CFAP299: variants seen among roughly 807,000 people sequenced by gnomAD.
CFAP299 encodes the protein cilia and flagella associated protein 299, also known as cilia- and flagella-associated protein 299.
Under a neutral mutation model 27.0 loss-of-function variants are expected in CFAP299, and 21 were observed. That is an observed-to-expected ratio of 0.78 (90% confidence interval 0.55 to 1.12). The LOEUF (loss-of-function observed/expected upper bound fraction) is 1.12, where lower values mean the gene tolerates loss of function less well. Among genes scored for constraint, CFAP299 ranks in the 50% most tolerant of loss-of-function variants. The pLI, the probability that CFAP299 is intolerant of heterozygous loss-of-function variation, is 0.00. For missense variants in CFAP299, 310 were observed against 276.6 expected (o/e 1.12, Z -0.86); for synonymous variants, 104 against 98.1 (o/e 1.06, Z -0.36).
chr4:80,468,474 T>G (rs1393983484), intron 2 of CFAP299, among the ~76,000 whole-genome samples: 1 of 151,982 alleles, frequency 6.6e-6, no homozygotes, highest in Non-Finnish European at 1.5e-5. Flanking sequence ...TCCACCCGCC[T>G]TGTTCTCCCG....
rs1560463626 is a variant in CFAP299, at chr4:80,887,973, T to C, written c.476+17838T>C. 1.3e-5 allele frequency among the ~76,000 whole-genome samples: 2 copies of C among 151,642 alleles called. 1 individual carries two copies. The highest frequency in any genetic ancestry group is 4.2e-4 in the South Asian group (2 of 4,814). ...GTAACCTCAACCAAAAATCATACAA[T>C]GGGCATATAAAAAAATAAAAAAATA... is the stretch of plus-strand genomic sequence containing the variant. On this transcript the variant is annotated intron_variant, in intron 4 of 5. Transcript: ENST00000358105.
At chr4:80,720,902 G>A (rs1722773578) in intron 3 of CFAP299, among the ~76,000 whole-genome samples, 1 of 152,052 alleles carries the variant, frequency 6.6e-6, no homozygotes, top group South Asian at 2.1e-4. Context: ...AATGTGGCAA[G>A]TAAAGAATTG....
chr4:80,683,249 T>G (rs1719958591), intron 3 of CFAP299, among the ~76,000 whole-genome samples: 1 of 152,186 alleles, frequency 6.6e-6, no homozygotes, highest in Non-Finnish European at 1.5e-5. Context: ...TCAGAAGGCA[T>G]CCCCATACGT....
At chr4:80,548,407 G>A (rs927212698) in intron 2 of CFAP299, among the ~76,000 whole-genome samples, 4 of 152,064 alleles carry the variant, frequency 2.6e-5, no homozygotes, top group African/African-American at 9.7e-5. Context: ...TATGAGGCGG[G>A]CATAAATTGG....
intron 3 of CFAP299, among the ~76,000 whole-genome samples, chr4:80,758,495 C>T (rs1725376061): frequency 6.6e-6 from 1 of 152,104 alleles, no homozygotes; most frequent in African/African-American, 2.4e-5. Context: ...AATGTTTGAG[C>T]TGGAAAACAG....
intron 4 of CFAP299, among the ~76,000 whole-genome samples, chr4:80,879,487 T>G (rs549681469): frequency 1.3e-5 from 2 of 152,284 alleles, no homozygotes; most frequent in South Asian, 4.1e-4. Flanking sequence ...CATTACACAT[T>G]AGAAGAATTA....
intron 1 of CFAP299, among the ~76,000 whole-genome samples, chr4:80,357,434 C>A (rs1208662745): frequency 6.6e-6 from 1 of 152,134 alleles, no homozygotes; most frequent in Non-Finnish European, 1.5e-5. Flanking sequence ...CTTTGTACAT[C>A]TGGTAGAATT....
At chr4:80,504,393 G>T (rs1250882999) in intron 2 of CFAP299, among the ~76,000 whole-genome samples, 2 of 137,440 alleles carry the variant, frequency 1.5e-5, no homozygotes, top group African/African-American at 5.4e-5. Context: ...CAATTTTATT[G>T]TTTACTTCTT....
chr4:80,377,458 A>G (rs755173064), intron 2 of CFAP299, among the ~76,000 whole-genome samples: 38 of 151,982 alleles, frequency 2.5e-4, no homozygotes, highest in Non-Finnish European at 1.2e-4. Context: ...GTGGATTTCT[A>G]TTCTATTCCA....
intron 3 of CFAP299, among the ~76,000 whole-genome samples, chr4:80,682,436 A>G (rs1379154575): frequency 6.6e-6 from 1 of 152,178 alleles, no homozygotes. Context: ...TTACGTGATT[A>G]ATCATGCCTA....
intron 3 of CFAP299, among the ~76,000 whole-genome samples, chr4:80,664,822 C>A (rs533034066): frequency 6.6e-6 from 1 of 152,250 alleles, no homozygotes; most frequent in African/African-American, 2.4e-5. Flanking sequence ...CAAATGGCCA[C>A]CTGGTTTTGT....
intron 1 of CFAP299, among the ~76,000 whole-genome samples, chr4:80,355,875 C>A (rs1342291986): frequency 6.6e-6 from 1 of 152,120 alleles, no homozygotes; most frequent in Non-Finnish European, 1.5e-5. Flanking sequence ...GCTTTTGTTG[C>A]AGTTGCTTTT....
Position 80,944,952 on chromosome 4 carries a change from T to G in CFAP299, c.606+13T>G. ...TGTGGACCCAAAGGTAATTCTTCTT[T>G]TACACTTAGTTAGTTACCTCTTCAC... On this transcript the variant is annotated intron_variant, in intron 5 of 5. Transcript: ENST00000358105. The G allele has an allele frequency of 6.2e-7, 1 of 1,605,772 alleles. No homozygotes were observed. The highest frequency in any genetic ancestry group is 1.1e-5 in the South Asian group (1 of 90,060).
At chr4:80,405,450 T>A (rs541730939) in intron 2 of CFAP299, among the ~76,000 whole-genome samples, 1 of 152,338 alleles carries the variant, frequency 6.6e-6, no homozygotes, top group African/African-American at 2.4e-5. Context: ...TCCCATTAAA[T>A]CTTTAAATAT....
intron 2 of CFAP299, among the ~76,000 whole-genome samples, chr4:80,375,001 T>C (rs987750028): frequency 6.6e-6 from 1 of 152,106 alleles, no homozygotes; most frequent in Non-Finnish European, 1.5e-5. Context: ...AGGGCTTCCT[T>C]GTAAGCTAGA....
intron 3 of CFAP299, among the ~76,000 whole-genome samples, chr4:80,701,142 T>A (rs527422405): frequency 6.6e-6 from 1 of 152,082 alleles, no homozygotes; most frequent in Non-Finnish European, 1.5e-5. Context: ...TGGATAAGGA[T>A]CATAAAAACA....
intron 3 of CFAP299, among the ~76,000 whole-genome samples, chr4:80,761,828 T>C (rs1725554735): frequency 6.6e-6 from 1 of 152,100 alleles, no homozygotes; most frequent in African/African-American, 2.4e-5. Flanking sequence ...ATATTTGTTT[T>C]AAGTAATAAC....
chr4:80,486,719 C>T (rs889200780), intron 2 of CFAP299, among the ~76,000 whole-genome samples: 6 of 152,142 alleles, frequency 3.9e-5, no homozygotes, highest in Non-Finnish European at 8.8e-5. Flanking sequence ...TTGGCTGCCC[C>T]GAGGCATACA....
chr4:80,870,404 G>C (rs761315259), intron 4 of CFAP299: 33 of 1,088,760 alleles, frequency 3.0e-5, no homozygotes, highest in Non-Finnish European at 3.3e-5. Context: ...CCTAAATTTT[G>C]TTAACCTCAT....
Sources: gnomAD v4.1 joint callset for allele counts (sites outside exome capture counted in the v4.1 genomes callset) on GRCh38, gnomAD v4.1.1 for gene constraint, MANE v1.5 for transcripts, NCBI Gene and HGNC (gene_info 2026-07-23, HGNC 2026-07-21) for gene names.